PALM2AKAP2: variants seen among roughly 807,000 people sequenced by gnomAD.
PALM2AKAP2 encodes the protein PALM2 and AKAP2 fusion, also known as PALM2-AKAP2 fusion protein.
PALM2AKAP2 carries 37 observed loss-of-function variants against 71.5 expected under a neutral mutation model. The ratio of observed to expected loss-of-function variants is 0.52; its 90% CI spans 0.40 to 0.68. The LOEUF is 0.68. Ranked by LOEUF, PALM2AKAP2 falls within the 30% of genes least tolerant of loss-of-function variation. PALM2AKAP2 has a pLI of 0.00. For synonymous variants in PALM2AKAP2, 468 were observed against 478.8 expected (o/e 0.98, Z 0.29); for missense variants, 1,224 against 1,191.8 (o/e 1.03, Z -0.40).
intron 6 of PALM2AKAP2, among the ~76,000 whole-genome samples, chr9:109,997,790 G>C (rs35976798): frequency 6.6e-6 from 1 of 151,878 alleles, no homozygotes; most frequent in South Asian, 2.1e-4. Flanking sequence ...CCACCACCTG[G>C]AGTGGGGAGG....
intron 1 of PALM2AKAP2, among the ~76,000 whole-genome samples, chr9:109,842,152 G>A (rs1828713744): frequency 6.6e-6 from 1 of 152,154 alleles, no homozygotes; most frequent in Admixed American, 6.5e-5. Flanking sequence ...CCCTAAGAGG[G>A]TTGTTGTGAC....
At chr9:110,048,955 G>C in intron 1 of PALM2AKAP2, 1 of 1,373,150 alleles carries the variant, frequency 7.3e-7, no homozygotes, top group Non-Finnish European at 9.5e-7. Context: ...GGAAATCTGG[G>C]AGTCCTCGGA....
chr9:109,835,876 G>A (rs890181485), intron 1 of PALM2AKAP2, among the ~76,000 whole-genome samples: 1 of 152,232 alleles, frequency 6.6e-6, no homozygotes, highest in African/African-American at 2.4e-5. Context: ...AAACAAAGTG[G>A]CCGGGAAGCT....
intron 1 of PALM2AKAP2, chr9:109,640,926 C>A: frequency 6.8e-7 from 1 of 1,475,684 alleles, no homozygotes. Flanking sequence ...CCATGGTGAC[C>A]GCGGCGGCAG....
At chr9:109,676,758 G>A (rs1827654266) in intron 1 of PALM2AKAP2, among the ~76,000 whole-genome samples, 4 of 152,198 alleles carry the variant, frequency 2.6e-5, no homozygotes. Flanking sequence ...CAAAGAGAGA[G>A]TGATCTCTCA....
At chr9:109,841,565 T>G (rs1282162876) in intron 1 of PALM2AKAP2, among the ~76,000 whole-genome samples, 5 of 10,948 alleles carry the variant, frequency 4.6e-4, no homozygotes, top group South Asian at 5.7e-3. Context: ...GGTGGGGGGA[T>G]GGAGAGGAGG....
chr9:109,946,574 T>G (rs1349231945), intron 6 of PALM2AKAP2: 1 of 148,744 alleles, frequency 6.7e-6, no homozygotes, highest in African/African-American at 2.5e-5. Flanking sequence ...ATGCCTGTAA[T>G]CCCAGCTACT....
intron 6 of PALM2AKAP2, among the ~76,000 whole-genome samples, chr9:109,985,549 G>A (rs1007749755): frequency 1.1e-4 from 16 of 151,574 alleles, no homozygotes; most frequent in African/African-American, 3.9e-4. Context: ...GAACCTGGGG[G>A]GTGGAGCTTG....
intron 1 of PALM2AKAP2, among the ~76,000 whole-genome samples, chr9:109,822,317 A>C (rs1828032703): frequency 1.3e-5 from 2 of 150,648 alleles, no homozygotes; most frequent in South Asian, 2.1e-4. Flanking sequence ...CTATCCATCC[A>C]TCTCTCTTTC....
At chr9:109,855,621 T>C (rs1829142097) in intron 1 of PALM2AKAP2, among the ~76,000 whole-genome samples, 1 of 152,236 alleles carries the variant, frequency 6.6e-6, no homozygotes, top group Non-Finnish European at 1.5e-5. Flanking sequence ...AGACAATCAC[T>C]ATATTTTCTC....
intron 1 of PALM2AKAP2, among the ~76,000 whole-genome samples, chr9:109,819,707 G>GTGTGTGTGTGTGTA (rs1827945095): frequency 1.7e-5 from 2 of 119,210 alleles, no homozygotes; most frequent in South Asian, 5.0e-4. Flanking sequence ...GTGTGTGTAT[G>GTGTGTGTGTGTGTA]TGTGTGTGTG....
At position 110,035,379 on chromosome 9, in the gene PALM2AKAP2, T is replaced by TTATATAC. The variant is rs1208346122; in HGVS notation, c.582+19340_582+19341insTATATAC. On this transcript the variant is annotated intron_variant, in intron 7 of 9. Coordinates refer to the PALM2AKAP2 transcript ENST00000302798. ...ATGTATAATACATATTATATACATA[T>TTATATAC]ATTATATGTATAATACATATACGTA... is the stretch of plus-strand genomic sequence containing the variant. Among the ~76,000 whole-genome samples the TTATATAC allele has an allele frequency of 5.7e-5, 8 of 139,186 alleles. No homozygotes were observed. In the South Asian group the frequency reaches 1.3e-3, roughly 22 times the overall value. The allele number at this position is 139,186 out of a possible 152,430, so 91.3% of individuals were successfully genotyped here. A position where few individuals can be genotyped will look rare whatever the true frequency, so the allele number is the denominator to read the frequency against.
chr9:110,045,073 G>GGGGGCCACTTTT (rs66473076), upstream of PALM2AKAP2, among the ~76,000 whole-genome samples: 3 of 151,722 alleles, frequency 2.0e-5, no homozygotes, highest in African/African-American at 7.3e-5. Context: ...TGGGTCCCCT[G>GGGGGCCACTTTT]GCTCAGGGGT....
intron 1 of PALM2AKAP2, among the ~76,000 whole-genome samples, chr9:109,647,068 CCT>C (rs1468731404): frequency 6.6e-6 from 1 of 152,098 alleles, no homozygotes; most frequent in Non-Finnish European, 1.5e-5. Flanking sequence ...GCTTGGGAAA[CCT>C]CTTTCCAGAT....
At chr9:109,925,710 A>G (rs192543469) in intron 5 of PALM2AKAP2, among the ~76,000 whole-genome samples, 11 of 151,934 alleles carry the variant, frequency 7.2e-5, no homozygotes, top group Admixed American at 2.6e-4. Context: ...TACCTTCCCT[A>G]CCTTTCCTCT....
At chr9:109,996,644 G>T (rs1369363733) in intron 6 of PALM2AKAP2, among the ~76,000 whole-genome samples, 1 of 152,224 alleles carries the variant, frequency 6.6e-6, no homozygotes, top group Admixed American at 6.5e-5. Flanking sequence ...GAAACACCCA[G>T]TTTTCTGACC....
At chr9:109,879,486 G>A (rs532486194) in intron 2 of PALM2AKAP2, among the ~76,000 whole-genome samples, 1 of 152,134 alleles carries the variant, frequency 6.6e-6, no homozygotes, top group South Asian at 2.1e-4. Context: ...TGCCATCTAG[G>A]GACCATATAA....
intron 1 of PALM2AKAP2, among the ~76,000 whole-genome samples, chr9:109,681,407 C>T (rs1440753464): frequency 2.0e-5 from 3 of 152,146 alleles, no homozygotes; most frequent in Admixed American, 1.3e-4. Flanking sequence ...TCCAACTCAA[C>T]GATGCAATTC....
In PALM2AKAP2 at chr9:110,136,421, G is replaced by T. The variant is rs139329817; in HGVS notation, c.451G>T (p.Ala151Ser). 3.7e-6 allele frequency: 6 copies of T among 1,614,026 alleles called. No homozygotes were observed. The South Asian group carries it at 5.5e-5, about 15-fold the overall frequency. The change falls in exon 2 of 4, where the codon GCC becomes TCC. Residue 151 changes from alanine to serine, a missense_variant. Coordinates refer to ENST00000374525, the Ensembl canonical transcript of PALM2AKAP2. Reference sequence around the variant, plus strand: ...CCGCTATCTAGATGAGGTGCTAGAGGCCAACTGCTGTGATTCTGCTGTGGA... The same window carrying T: ...CCGCTATCTAGATGAGGTGCTAGAGTCCAACTGCTGTGATTCTGCTGTGGA...
Sources: gnomAD v4.1 joint callset for allele counts (sites outside exome capture counted in the v4.1 genomes callset) on GRCh38, gnomAD v4.1.1 for gene constraint, MANE v1.5 for transcripts, NCBI Gene and HGNC (gene_info 2026-07-23, HGNC 2026-07-21) for gene names.